INTS3: variants seen among roughly 807,000 people sequenced by gnomAD.
INTS3 encodes SOSS complex subunit A.
In INTS3, 34 loss-of-function variants were observed where a neutral mutation model predicts 146.3. The ratio of observed to expected loss-of-function variants is 0.23; its 90% CI spans 0.18 to 0.31. INTS3 has a LOEUF of 0.31. Among genes scored for constraint, INTS3 ranks in the 10% least tolerant of loss-of-function variants. The pLI, the probability that INTS3 is intolerant of heterozygous loss-of-function variation, is 1.00. For synonymous variants in INTS3, 475 were observed against 494.9 expected (o/e 0.96, Z 0.53); for missense variants, 757 against 1,304.2 (o/e 0.58, Z 6.46).
chr1:153,772,545 C>T lies in INTS3; in HGVS notation c.2822-94C>T, dbSNP rs781014253. ...GGGCAGGACACCCGGGGCCACAACC[C>T]ACACTCGGGATAAAACAACCTGTGC... is the stretch of plus-strand genomic sequence containing the variant. On this transcript the variant is annotated intron_variant, in intron 27 of 29. Coordinates refer to ENST00000318967, the MANE Select transcript of INTS3 (RefSeq NM_023015.5). This position sits in a 1 kb window ranked among gnomAD's most constrained non-coding sequence, Gnocchi z 4.6. 1.2e-6 allele frequency: 2 copies of T among 1,610,822 alleles called. No homozygotes were observed. The highest frequency in any genetic ancestry group is 3.4e-5 in the Admixed American group (2 of 59,224).
In INTS3 at chr1:153,752,090, C is replaced by G. The variant is rs1378979673; in HGVS notation, c.730-189C>G. ...CTAACCTCTCATCCTTGATATCAGT[C>G]CCCAGCTTCCAGCTCTCTTCCCCTG... is the stretch of plus-strand genomic sequence containing the variant. On this transcript the variant is annotated intron_variant, in intron 7 of 29. Transcript: ENST00000318967. The G allele has an allele frequency of 6.3e-6, 4 of 637,778 alleles. No individual in the cohort carries two copies. In the Admixed American group the frequency reaches 1.1e-4, roughly 18 times the overall value. The allele number at this position is 637,778 out of a possible 1,614,324, so 39.5% of individuals were successfully genotyped here. A position where few individuals can be genotyped will look rare whatever the true frequency, so the allele number is the denominator to read the frequency against.
Position 153,770,696 on chromosome 1 carries a change from G to T in INTS3, c.2515G>T (p.Ala839Ser). 6.2e-7 allele frequency: 1 copy of T among 1,613,814 alleles called. No homozygotes were observed. Among genetic ancestry groups the T allele is most frequent in the Non-Finnish European group, 8.5e-7 (1 of 1,179,778 alleles). ...CCCTTCCCTCACAGAGCACCCAGAG[G>T]CCCTGTCCTGCCTACTGCTTCAACT... Reference protein sequence around the residue: ...QHLKYKEHPEALSCLLLQLRR... With the variant: ...QHLKYKEHPESLSCLLLQLRR... Residue 839 changes from alanine to serine, a missense_variant, in exon 25 of 30, where the codon GCC becomes TCC. Physicochemically the swap from Ala to Ser is moderately conservative, Grantham distance 99. Coordinates refer to ENST00000318967, the MANE Select transcript of INTS3 (RefSeq NM_023015.5).
chr1:153,761,806 C>A (rs928216010), intron 14 of INTS3, 130 bp downstream of exon 14: 2 of 574,472 alleles, frequency 3.5e-6, no homozygotes, highest in African/African-American at 1.9e-5. Flanking sequence ...CACAGTTTTT[C>A]CTTCCTCAGT....
Position 153,760,095 on chromosome 1 carries a change from G to A in INTS3, c.1238-216G>A, listed in dbSNP as rs142870459. The A allele has an allele frequency of 2.4e-4, 143 of 584,082 alleles. 2 individuals are homozygous for A. In the East Asian group the frequency reaches 4.0e-3, roughly 16 times the overall value. The allele number at this position is 584,082 out of a possible 1,614,324, so 36.2% of individuals were successfully genotyped here. Reference sequence around the variant, plus strand: ...AAACAGACTGACTTTAGCCTGGCGTGGTGGCGCACACCTGTAATTCCAGCT... The same window carrying A: ...AAACAGACTGACTTTAGCCTGGCGTAGTGGCGCACACCTGTAATTCCAGCT... On this transcript the variant is annotated intron_variant, in intron 11 of 29. Coordinates refer to ENST00000318967, the MANE Select transcript of INTS3 (RefSeq NM_023015.5).
rs79329252 is a variant in INTS3 at position 153,735,734 on chromosome 1, G to A, written c.151-4917G>A. Among the ~76,000 whole-genome samples, 8 of 152,170 alleles carry A rather than the reference G, an allele frequency of 5.3e-5. 1 individual carries two copies. The East Asian group carries it at 1.5e-3, about 29-fold the overall frequency. Reference sequence around the variant, plus strand: ...ATAATTGTCTTGGGTAGAGAGGGATGATTTTTGAGACAGGGCCTTGCTTTG... The same window carrying A: ...ATAATTGTCTTGGGTAGAGAGGGATAATTTTTGAGACAGGGCCTTGCTTTG... On this transcript the variant is annotated intron_variant, in intron 1 of 29. Coordinates refer to ENST00000318967, the MANE Select transcript of INTS3 (RefSeq NM_023015.5).
Position 153,757,506 on chromosome 1 carries a change from G to T in INTS3, c.958-66G>T, listed in dbSNP as rs949678616. ...GCAAACCTAGAGTTAAGTGGTGCTC[G>T]TTTTCCTCTGGCCAAGGACCCCACA... is the stretch of plus-strand genomic sequence containing the variant. On this transcript the variant is annotated intron_variant, in intron 9 of 29. Coordinates refer to ENST00000318967, the MANE Select transcript of INTS3 (RefSeq NM_023015.5). This position sits in a 1 kb window ranked among gnomAD's most constrained non-coding sequence, Gnocchi z 4.0. The T allele has an allele frequency of 3.3e-5, 47 of 1,433,040 alleles. 1 individual carries two copies. The highest frequency in any genetic ancestry group is 4.5e-5 in the Non-Finnish European group (46 of 1,029,808). The allele number at this position is 1,433,040 out of a possible 1,614,324, so 88.8% of individuals were successfully genotyped here.
In INTS3 at chr1:153,762,064, T is replaced by C. The variant is rs140244208; in HGVS notation, c.1516+388T>C. ...GTTGGGCCTCAAACCTTACTCTCAA[T>C]ACAACTGCCATCTCCTTACCACACA... On this transcript the variant is annotated intron_variant, in intron 14 of 29. Coordinates refer to ENST00000318967, the MANE Select transcript of INTS3 (RefSeq NM_023015.5). Among the ~76,000 whole-genome samples, 723 of 152,372 alleles carry C rather than the reference T, an allele frequency of 4.7e-3. 3 individuals are homozygous for C. Among genetic ancestry groups the C allele is most frequent in the African/African-American group, 0.015 (628 of 41,592 alleles).
Position 153,728,924 on chromosome 1 carries a change from A to G in INTS3, c.150+140A>G. Reference sequence around the variant, plus strand: ...TGTGAAGTAACACAAACACTGCTCCAGCTTCCTGCTCCTGAGGGAAGAAAT... The same window carrying G: ...TGTGAAGTAACACAAACACTGCTCCGGCTTCCTGCTCCTGAGGGAAGAAAT... On this transcript the variant is annotated intron_variant, in intron 1 of 29. Coordinates refer to ENST00000318967, the MANE Select transcript of INTS3 (RefSeq NM_023015.5). 8.4e-6 allele frequency: 5 copies of G among 593,484 alleles called. No individual in the cohort carries two copies. The South Asian group carries it at 1.0e-4, about 12-fold the overall frequency. 36.8% of individuals were successfully genotyped at this position (593,484 alleles called of 1,614,324 possible).
chr1:153,769,862 T>C lies in INTS3; in HGVS notation c.2389+18T>C, dbSNP rs201640786. On this transcript the variant is annotated intron_variant, in intron 23 of 29. Coordinates refer to ENST00000318967, the MANE Select transcript of INTS3 (RefSeq NM_023015.5). ...CATACTCAGTAAGTGATCAAATCTT[T>C]AGGTGCCTGGGAGAGGAGAGGAGGG... The C allele has an allele frequency of 1.9e-6, 3 of 1,559,122 alleles. No homozygotes were observed. Among genetic ancestry groups the C allele is most frequent in the African/African-American group, 1.4e-5 (1 of 73,796 alleles).
rs146857453 is a variant in INTS3, at chr1:153,746,405, C to T, written c.319-552C>T. ...CCAGCAGGCTTTTCTCTCCCCTGCCCCCGAGACAGAGTTTCGCTCCGTCGC... is the reference window on the plus strand; with the variant it reads ...CCAGCAGGCTTTTCTCTCCCCTGCCTCCGAGACAGAGTTTCGCTCCGTCGC... On this transcript the variant is annotated intron_variant, in intron 3 of 29. Coordinates refer to ENST00000318967, the MANE Select transcript of INTS3 (RefSeq NM_023015.5). Among the ~76,000 whole-genome samples, 386 of 150,010 alleles carry T rather than the reference C, an allele frequency of 2.6e-3. 2 individuals carry two copies. Among genetic ancestry groups the T allele is most frequent in the African/African-American group, 8.9e-3 (364 of 40,816 alleles).
intron 8 of INTS3, 112 bp downstream of exon 8, chr1:153,752,520 T>G: frequency 8.8e-7 from 1 of 1,136,256 alleles, no homozygotes; most frequent in Non-Finnish European, 1.2e-6. Flanking sequence ...GGTGGTCAGA[T>G]TTAGGAAGCC....
At chr1:153,751,498 C>G (rs1050673063) in intron 7 of INTS3, among the ~76,000 whole-genome samples, 1 of 152,164 alleles carries the variant, frequency 6.6e-6, no homozygotes, top group Non-Finnish European at 1.5e-5. Flanking sequence ...TGTTGTATAC[C>G]ACAGACATAA....
intron 20 of INTS3, among the ~76,000 whole-genome samples, chr1:153,766,237 T>C (rs1006796171): frequency 2.4e-4 from 36 of 149,776 alleles, no homozygotes; most frequent in African/African-American, 8.8e-4. Flanking sequence ...TTCTCCTGCC[T>C]CAGCCTCCCG....
intron 25 of INTS3, among the ~76,000 whole-genome samples, chr1:153,771,520 T>A (rs1379552300): frequency 6.6e-6 from 1 of 152,170 alleles, no homozygotes; most frequent in Non-Finnish European, 1.5e-5. Context: ...ACTCCCTGAC[T>A]GTTCTAGGGG....
chr1:153,745,610 C>T (rs1394916338), intron 3 of INTS3, among the ~76,000 whole-genome samples: 3 of 150,780 alleles, frequency 2.0e-5, no homozygotes, highest in African/African-American at 7.3e-5. Context: ...ATGAGGCCCC[C>T]TAAGGTATTC....
chr1:153,753,509 A>G (rs1031452078), intron 8 of INTS3, among the ~76,000 whole-genome samples: 1 of 151,204 alleles, frequency 6.6e-6, no homozygotes. Flanking sequence ...GTAAGCCGAG[A>G]TCGCGCCACT....
chr1:153,747,241 G>C, intron 4 of INTS3, 38 bp from the exon 5 acceptor site: 1 of 1,574,776 alleles, frequency 6.4e-7, no homozygotes. Context: ...CAAACTCACA[G>C]TTCCTGCTCT....
chr1:153,773,342 G>C lies in INTS3; in HGVS notation c.*72G>C. 7.2e-7 allele frequency: 1 copy of C among 1,392,148 alleles called. No homozygotes were observed. The highest frequency in any genetic ancestry group is 1.2e-5 in the South Asian group (1 of 86,738). The allele number at this position is 1,392,148 out of a possible 1,614,324, so 86.2% of individuals were successfully genotyped here. ...CTTGGTGATTCAAAGGTTAATAGAG[G>C]CTGAGGAGATTGCAGGGGAAACACC... On this transcript the variant is annotated 3_prime_UTR_variant, in exon 30 of 30. Transcript: ENST00000318967.
At chr1:153,745,282 T>C (rs961813483) in intron 3 of INTS3, among the ~76,000 whole-genome samples, 6 of 151,590 alleles carry the variant, frequency 4.0e-5, no homozygotes, top group African/African-American at 1.2e-4. Flanking sequence ...TCAGCCTCCC[T>C]TGTAGTTGGG....
Sources: allele counts gnomAD v4.1 joint callset (sites outside exome capture counted in the v4.1 genomes callset), GRCh38; gene constraint gnomAD v4.1.1; non-coding constraint Gnocchi (gnomAD v3.1); transcripts MANE v1.5; gene names NCBI Gene and HGNC (gene_info 2026-07-23, HGNC 2026-07-21).